The following RNLS variants were observed in gnomAD, a reference collection of about 807,000 sequenced individuals.
RNLS encodes renalase.
A neutral mutation model predicts 39.8 loss-of-function variants in RNLS; 39 were observed. The observed-to-expected ratio is 0.98, with a 90% CI of 0.76 to 1.28. The LOEUF (loss-of-function observed/expected upper bound fraction) is 1.28, where lower values mean the gene tolerates loss of function less well. RNLS is among the 50% of genes most tolerant of loss of function. The probability of loss-of-function intolerance (pLI) is 0.00; values close to 1 mark genes in which losing one functional copy is unlikely to be tolerated. For missense variants in RNLS, 410 were observed against 413.3 expected (o/e 0.99, Z 0.07); for synonymous variants, 147 against 150.7 (o/e 0.98, Z 0.18).
At chr10:88,331,400 AT>A (rs1267690701) in intron 5 of RNLS, among the ~76,000 whole-genome samples, 1 of 152,200 alleles carries the variant, frequency 6.6e-6, no homozygotes, top group African/African-American at 2.4e-5. Flanking sequence ...CCAAAAAGAA[AT>A]GGGTGAAATA....
intron 6 of RNLS, among the ~76,000 whole-genome samples, chr10:88,309,223 A>G (rs1009914906): frequency 6.6e-6 from 1 of 152,172 alleles, no homozygotes; most frequent in Non-Finnish European, 1.5e-5. Flanking sequence ...ACAAACCCCT[A>G]TGATACAAAT....
chr10:88,217,112 G>A, the RNLS span, among the ~76,000 whole-genome samples: 2 of 152,250 alleles, frequency 1.3e-5, no homozygotes, highest in South Asian at 2.1e-4. Context: ...ATTTGGGGTG[G>A]TTATTAAACA....
chr10:88,272,599 C>G (rs922169237), downstream of RNLS, among the ~76,000 whole-genome samples: 2 of 152,170 alleles, frequency 1.3e-5, no homozygotes, highest in African/African-American at 4.8e-5. Flanking sequence ...CCTAACATAT[C>G]CCAAGTGCTT....
chr10:88,230,354 G>A, the RNLS span, among the ~76,000 whole-genome samples: 2 of 152,106 alleles, frequency 1.3e-5, no homozygotes, highest in African/African-American at 2.4e-5. Flanking sequence ...TCCAACTGGT[G>A]GCCGAGCTTG....
intron 4 of RNLS, among the ~76,000 whole-genome samples, chr10:88,512,916 C>T (rs1232647045): frequency 3.3e-5 from 5 of 152,114 alleles, no homozygotes; most frequent in African/African-American, 1.2e-4. Flanking sequence ...CTTCTCAGAA[C>T]CTCTCTTTTT....
At chr10:88,577,452 A>T (rs1049580559) in intron 3 of RNLS, among the ~76,000 whole-genome samples, 2 of 152,184 alleles carry the variant, frequency 1.3e-5, no homozygotes, top group African/African-American at 2.4e-5. Context: ...TAGACAAAGT[A>T]CCTGAGTCTC....
chr10:88,503,568 TGTGTA>T (rs1254579252), intron 4 of RNLS, among the ~76,000 whole-genome samples: 1 of 152,168 alleles, frequency 6.6e-6, no homozygotes, highest in Non-Finnish European at 1.5e-5. Context: ...ATTCAATGGA[TGTGTA>T]GTTATACTCT....
chr10:88,395,709 G>T (rs1852518107), intron 4 of RNLS, among the ~76,000 whole-genome samples: 1 of 151,996 alleles, frequency 6.6e-6, no homozygotes, highest in South Asian at 2.1e-4. Flanking sequence ...TTTCCAGTTT[G>T]ATAAAAAATC....
intron 4 of RNLS, among the ~76,000 whole-genome samples, chr10:88,432,060 A>G (rs1049453370): frequency 3.3e-5 from 5 of 151,712 alleles, no homozygotes; most frequent in African/African-American, 1.2e-4. Context: ...TGATAACTCT[A>G]GCAATTATTG....
At chr10:88,352,557 A>G (rs544175553) in intron 5 of RNLS, among the ~76,000 whole-genome samples, 1 of 152,176 alleles carries the variant, frequency 6.6e-6, no homozygotes, top group Non-Finnish European at 1.5e-5. Context: ...AGCTCACTTG[A>G]TCATGGTAGA....
At chr10:88,399,551 ATTAT>A (rs1852788187) in intron 4 of RNLS, among the ~76,000 whole-genome samples, 1 of 152,030 alleles carries the variant, frequency 6.6e-6, no homozygotes, top group African/African-American at 2.4e-5. Flanking sequence ...CCACAACTGT[ATTAT>A]ACAAAACATC....
chr10:88,519,868 C>T (rs913540195), intron 4 of RNLS, among the ~76,000 whole-genome samples: 11 of 151,728 alleles, frequency 7.2e-5, no homozygotes, highest in Admixed American at 2.6e-4. Flanking sequence ...ATGTATTTAG[C>T]GCTGCCTCCA....
At chr10:88,450,922 A>G (rs958953756) in intron 4 of RNLS, among the ~76,000 whole-genome samples, 1 of 152,166 alleles carries the variant, frequency 6.6e-6, no homozygotes, top group African/African-American at 2.4e-5. Flanking sequence ...TTTGTGAAGG[A>G]AGCAGAATTA....
intron 5 of RNLS, among the ~76,000 whole-genome samples, chr10:88,357,311 C>T (rs1849267328): frequency 6.6e-6 from 1 of 152,158 alleles, no homozygotes; most frequent in Non-Finnish European, 1.5e-5. Flanking sequence ...AGTCTGGACT[C>T]CTGGACAGTC....
At chr10:88,285,560 C>A in intron 6 of RNLS, 54 bp from the exon 7 acceptor site, 1 of 1,463,696 alleles carries the variant, frequency 6.8e-7, no homozygotes, top group South Asian at 1.2e-5. Context: ...ATTGTGCTGT[C>A]ATGGCAACAC....
intron 5 of RNLS, among the ~76,000 whole-genome samples, chr10:88,346,186 C>A (rs1297711327): frequency 6.6e-6 from 1 of 152,078 alleles, no homozygotes; most frequent in Non-Finnish European, 1.5e-5. Context: ...TCAGCTGGAG[C>A]ACAGTTGTTC....
chr10:88,280,524 G>A (rs1283319961), downstream of RNLS, among the ~76,000 whole-genome samples: 1 of 152,140 alleles, frequency 6.6e-6, no homozygotes, highest in Non-Finnish European at 1.5e-5. Flanking sequence ...GATGTGTGGG[G>A]GGAGGGGTTG....
At chr10:88,524,998 TACACACAC>T (rs1420465465) in intron 4 of RNLS, among the ~76,000 whole-genome samples, 2 of 104,466 alleles carry the variant, frequency 1.9e-5, no homozygotes, top group African/African-American at 3.5e-5. Flanking sequence ...TATATATATA[TACACACAC>T]ACACATACTA....
At chr10:88,323,206 G>A (rs550783543) in intron 5 of RNLS, among the ~76,000 whole-genome samples, 1 of 152,178 alleles carries the variant, frequency 6.6e-6, no homozygotes, top group Non-Finnish European at 1.5e-5. Context: ...TGATTATACT[G>A]CCCAAAGCAA....
Sources: gnomAD v4.1 joint callset for allele counts (sites outside exome capture counted in the v4.1 genomes callset) on GRCh38, gnomAD v4.1.1 for gene constraint, MANE v1.5 for transcripts, NCBI Gene and HGNC (gene_info 2026-07-23, HGNC 2026-07-21) for gene names.